The following ZNF337 variants were observed in gnomAD, a reference collection of about 807,000 sequenced individuals.
ZNF337 encodes zinc finger protein 337.
In ZNF337, 8 loss-of-function variants were observed where a neutral mutation model predicts 12.1. The ratio of observed to expected loss-of-function variants is 0.66; its 90% confidence interval spans 0.39 to 1.19. The LOEUF (loss-of-function observed/expected upper bound fraction) is 1.19. Among genes scored for constraint, ZNF337 ranks in the 50% most tolerant of loss-of-function variants. ZNF337 has a pLI of 0.01. For missense variants in ZNF337, 882 were observed against 896.6 expected (o/e 0.98, Z 0.21); for synonymous variants, 336 against 320.0 (o/e 1.05, Z -0.53).
chr20:25,694,737 A>G (rs1183962632), intron 1 of ZNF337, among the ~76,000 whole-genome samples: 1 of 152,168 alleles, frequency 6.6e-6, no homozygotes, highest in Non-Finnish European at 1.5e-5. Context: ...TTACTCTTAT[A>G]TAATGAGGCT....
Position 25,675,172 on chromosome 20 carries a change from T to C in ZNF337, c.2116A>G (p.Ile706Val), listed in dbSNP as rs764173041. ...TCATAAGGCCTCTCTCCTGTGTGTA[T>C]TCTTTCATGCACAGTGAGGTCTGAC... ...SKSDLTVHER[I>V]HTGERPYECQ... The change falls in exon 5 of 5, where the codon ATA (isoleucine) becomes GTA (valine). Residue 706 changes from isoleucine to valine, a missense_variant. Physicochemically the swap from Ile to Val is conservative, Grantham distance 29 (BLOSUM62 3). Transcript: ENST00000252979. The C allele has an allele frequency of 4.3e-6, 7 of 1,614,258 alleles. No homozygotes were observed. The South Asian group carries it at 4.4e-5, about 10-fold the overall frequency.
At chr20:25,685,195 A>T (rs1330086736) in intron 4 of ZNF337, among the ~76,000 whole-genome samples, 1 of 152,164 alleles carries the variant, frequency 6.6e-6, no homozygotes, top group Non-Finnish European at 1.5e-5. Flanking sequence ...TTACTTACAC[A>T]GAAAAATAAT....
At chr20:25,695,181 G>T (rs1334790559) in intron 1 of ZNF337, among the ~76,000 whole-genome samples, 1 of 152,180 alleles carries the variant, frequency 6.6e-6, no homozygotes, top group Non-Finnish European at 1.5e-5. Context: ...TGAGGCAGGA[G>T]AACTGCTCAA....
chr20:25,684,051 C>T (rs917224926), intron 4 of ZNF337, among the ~76,000 whole-genome samples: 3 of 151,922 alleles, frequency 2.0e-5, no homozygotes, highest in African/African-American at 7.3e-5. Flanking sequence ...ATGTCCTTTA[C>T]AGGGACATGG....
rs376683089 is a variant in ZNF337 at position 25,683,514 on chromosome 20, GAA to G, written c.250+2051_250+2052del. 1.5e-3 allele frequency among the ~76,000 whole-genome samples: 215 copies of G among 145,156 alleles called. 1 individual carries two copies. Among genetic ancestry groups the G allele is most frequent in the African/African-American group, 5.0e-3 (202 of 40,424 alleles). ...AAATAGAACTTAAACAAATTTACAAGAAAAAAAAAAACCCCATCAAAAAATGG... is the reference window on the plus strand; with the variant it reads ...AAATAGAACTTAAACAAATTTACAAGAAAAAAAAACCCCATCAAAAAATGG... On this transcript the variant is annotated intron_variant, in intron 4 of 4. Coordinates refer to ENST00000252979, the MANE Select transcript of ZNF337 (RefSeq NM_015655.4).
chr20:25,695,961 G>A (rs1036041717), intron 1 of ZNF337, among the ~76,000 whole-genome samples: 2 of 152,090 alleles, frequency 1.3e-5, no homozygotes, highest in African/African-American at 4.8e-5. Flanking sequence ...ATACTGACTA[G>A]GAATAAACCT....
In ZNF337 at chr20:25,674,758, C is replaced by T. The variant is rs1400846819; in HGVS notation, c.*274G>A. ...AAAGCACAGCCTGGCACAAATACAACAAGAATATGTGCTCAGTAGGAAAGA... is the reference window on the plus strand; with the variant it reads ...AAAGCACAGCCTGGCACAAATACAATAAGAATATGTGCTCAGTAGGAAAGA... On this transcript the variant is annotated 3_prime_UTR_variant, in exon 5 of 5. Coordinates refer to ENST00000252979, the MANE Select transcript of ZNF337 (RefSeq NM_015655.4). 6.4e-6 allele frequency: 3 copies of T among 470,248 alleles called. No homozygotes were observed. Among genetic ancestry groups the T allele is most frequent in the Non-Finnish European group, 1.1e-5 (3 of 261,888 alleles). The allele number at this position is 470,248 out of a possible 1,614,324, so 29.1% of individuals were successfully genotyped here.
Position 25,675,414 on chromosome 20 carries a change from T to C in ZNF337, c.1874A>G (p.Lys625Arg). 1 of 1,614,062 alleles carries C rather than the reference T, an allele frequency of 6.2e-7. No individual in the cohort carries two copies. Among genetic ancestry groups the C allele is most frequent in the Non-Finnish European group, 8.5e-7 (1 of 1,179,996 alleles). The change falls in exon 5 of 5, where the codon AAG (lysine) becomes AGG (arginine). Residue 625 changes from lysine to arginine, a missense_variant. Coordinates refer to ENST00000252979, the MANE Select transcript of ZNF337 (RefSeq NM_015655.4). The stretch of plus-strand genomic sequence containing the variant: ...ACACTCCTTGCATACAAAAGGCTGC[T>C]TGCCAGAATGTGCAAGCTGGTGTTT... Reference protein sequence around the residue: ...LVKHQLAHSGKQPFVCKECGR... With the variant: ...LVKHQLAHSGRQPFVCKECGR...
At chr20:25,683,424 C>T (rs1365359776) in intron 4 of ZNF337, among the ~76,000 whole-genome samples, 5 of 150,594 alleles carry the variant, frequency 3.3e-5, no homozygotes, top group East Asian at 1.9e-4. Flanking sequence ...AAACATTAAA[C>T]GACAAGGAAA....
chr20:25,677,310 A>C (rs1410940639), intron 4 of ZNF337: 2 of 336,064 alleles, frequency 6.0e-6, no homozygotes, highest in African/African-American at 4.2e-5. Flanking sequence ...GATGATGCTA[A>C]ATGGAAAAAT....
At chr20:25,691,979 G>C (rs560831163) in intron 1 of ZNF337, among the ~76,000 whole-genome samples, 1 of 152,140 alleles carries the variant, frequency 6.6e-6, no homozygotes, top group Non-Finnish European at 1.5e-5. Context: ...CTTATGGGTA[G>C]AAGTAGAATT....
rs1569007441 is a variant in ZNF337 at position 25,676,856 on chromosome 20, CCTT to C, written c.429_431del (p.Arg146del). 2 of 1,614,194 alleles carry C rather than the reference CCTT, an allele frequency of 1.2e-6. No individual in the cohort carries two copies. The highest frequency in any genetic ancestry group is 1.3e-5 in the African/African-American group (1 of 75,060). The stretch of plus-strand genomic sequence containing the variant: ...CTATTTCCACTACACTGTTCCTCCT[CCTT>C]GAGCTTACTGCATGTCTTAGGGGTG... On this transcript the variant is annotated inframe_deletion, in exon 5 of 5. Coordinates refer to ENST00000252979, the MANE Select transcript of ZNF337 (RefSeq NM_015655.4).
At position 25,675,576 on chromosome 20, in the gene ZNF337, G is replaced by A. The variant is rs1214038114; in HGVS notation, c.1712C>T (p.Pro571Leu). Residue 571 changes from proline (P) to leucine (L), a missense_variant, in exon 5 of 5, where the codon CCA becomes CTA. By Grantham distance (98) the Pro-to-Leu change is moderately conservative. Coordinates refer to ENST00000252979, the MANE Select transcript of ZNF337 (RefSeq NM_015655.4). The stretch of plus-strand genomic sequence containing the variant: ...TCGCCCGCAATCCTTGCAATTAAAT[G>A]GCCTTTCCCCCGAGTGTGTCCACTG... ...RHQWTHSGER[P>L]FNCKDCGRGF... The A allele has an allele frequency of 5.0e-6, 8 of 1,613,574 alleles. No individual in the cohort carries two copies. Among genetic ancestry groups the A allele is most frequent in the Non-Finnish European group, 4.2e-6 (5 of 1,179,952 alleles).
In ZNF337 at chr20:25,674,020, C is replaced by T. The variant is rs1490063784; in HGVS notation, c.*1012G>A. The T allele has an allele frequency of 6.6e-6, 1 of 152,226 alleles. No individual in the cohort carries two copies. The highest frequency in any genetic ancestry group is 1.5e-5 in the Non-Finnish European group (1 of 68,058). The allele number at this position is 152,226 out of a possible 1,614,324, so 9.4% of individuals were successfully genotyped here. On this transcript the variant is annotated 3_prime_UTR_variant, in exon 5 of 5. Coordinates refer to ENST00000252979, the MANE Select transcript of ZNF337 (RefSeq NM_015655.4). ...TCCTGCCAGGCAGGTGAGTGGTCCC[C>T]AGATCCCTATTTTACCACTTGTTTT...
At chr20:25,681,246 C>T (rs1238859974) in intron 4 of ZNF337, 1 of 152,196 alleles carries the variant, frequency 6.6e-6, no homozygotes, top group Non-Finnish European at 1.5e-5. Context: ...TTGTTTAAGC[C>T]TCCCAGTCTA....
At chr20:25,692,984 T>G (rs928402755) in intron 1 of ZNF337, among the ~76,000 whole-genome samples, 1 of 152,208 alleles carries the variant, frequency 6.6e-6, no homozygotes, top group African/African-American at 2.4e-5. Flanking sequence ...ATTGTCTCAA[T>G]TATACCTCAA....
rs761692512 is a variant in ZNF337 at position 25,686,074 on chromosome 20, A to C, written c.76T>G (p.Trp26Gly). Residue 26 changes from tryptophan (W) to glycine (G), a missense_variant, in exon 3 of 5, where the codon TGG becomes GGG. By Grantham distance (184) the Trp-to-Gly change is radical (BLOSUM62 -2). Transcript: ENST00000252979. Reference sequence around the variant, plus strand: ...CTCTGAGCAGGGCTCAGCAGCCTCCATTCCTTCTGGGTGAAATCCACAGTG... The same window carrying C: ...CTCTGAGCAGGGCTCAGCAGCCTCCCTTCCTTCTGGGTGAAATCCACAGTG... ...DVTVDFTQKE[W>G]RLLSPAQRAL... 1.9e-6 allele frequency: 3 copies of C among 1,614,026 alleles called. No homozygotes were observed. Among genetic ancestry groups the C allele is most frequent in the Non-Finnish European group, 2.5e-6 (3 of 1,179,988 alleles).
chr20:25,686,282 C>T, intron 2 of ZNF337, 109 bp downstream of exon 2: 1 of 1,463,702 alleles, frequency 6.8e-7, no homozygotes, highest in Non-Finnish European at 9.5e-7. Flanking sequence ...GATCACTCCC[C>T]AGGAGCGGTG....
chr20:25,696,090 C>A (rs1160531415), intron 1 of ZNF337, among the ~76,000 whole-genome samples: 9 of 64,544 alleles, frequency 1.4e-4, no homozygotes, highest in Admixed American at 8.7e-4. Context: ...ACGCAGATCC[C>A]CCCCCCCCCC....
Sources: allele counts gnomAD v4.1 joint callset (sites outside exome capture counted in the v4.1 genomes callset), GRCh38; gene constraint gnomAD v4.1.1; transcripts MANE v1.5; gene names NCBI Gene and HGNC (gene_info 2026-07-23, HGNC 2026-07-21).